The following PRMT3 variants were observed in gnomAD, a reference collection of about 807,000 sequenced individuals.
PRMT3 encodes protein arginine N-methyltransferase 3.
Under a neutral mutation model 71.9 loss-of-function variants are expected in PRMT3, and 62 were observed. The ratio of observed to expected loss-of-function variants is 0.86; its 90% confidence interval spans 0.70 to 1.07. PRMT3 has a LOEUF of 1.07. Among genes scored for constraint, PRMT3 ranks in the 50% least tolerant of loss-of-function variants. PRMT3 has a pLI of 0.00. For missense variants in PRMT3, 663 were observed against 643.0 expected (o/e 1.03, Z -0.34); for synonymous variants, 213 against 220.4 (o/e 0.97, Z 0.30).
intron 10 of PRMT3, among the ~76,000 whole-genome samples, chr11:20,443,954 A>G (rs962520146): frequency 1.3e-5 from 2 of 152,210 alleles, no homozygotes; most frequent in African/African-American, 2.4e-5. Context: ...GAGAAGTGGA[A>G]GAAAGTAGTC....
intron 5 of PRMT3, among the ~76,000 whole-genome samples, chr11:20,394,469 G>T (rs531340761): frequency 1.3e-5 from 2 of 151,884 alleles, no homozygotes; most frequent in South Asian, 4.2e-4. Context: ...TTTTATTCAG[G>T]TATAATTGAT....
chr11:20,465,559 A>G (rs961575459), intron 13 of PRMT3, among the ~76,000 whole-genome samples: 1 of 151,922 alleles, frequency 6.6e-6, no homozygotes, highest in Admixed American at 6.6e-5. Flanking sequence ...GTTTCAGTTC[A>G]TTTTGATTCA....
intron 9 of PRMT3, among the ~76,000 whole-genome samples, chr11:20,423,873 T>TAAAAA (rs58636447): frequency 1.1e-4 from 3 of 27,098 alleles, no homozygotes; most frequent in African/African-American, 3.4e-4. Flanking sequence ...GATTCTCTCT[T>TAAAAA]AAAAAAAAAA....
intron 9 of PRMT3, among the ~76,000 whole-genome samples, chr11:20,416,215 C>T (rs1849301286): frequency 6.6e-6 from 1 of 152,110 alleles, no homozygotes; most frequent in African/African-American, 2.4e-5. Flanking sequence ...ACTGATTTCC[C>T]CACTTAATTC....
At chr11:20,426,015 A>G (rs924912963) in intron 9 of PRMT3, among the ~76,000 whole-genome samples, 2 of 152,242 alleles carry the variant, frequency 1.3e-5, no homozygotes, top group African/African-American at 4.8e-5. Context: ...AGCAGCTTAC[A>G]TTCACCTTTG....
At position 20,392,124 on chromosome 11, in the gene PRMT3, GT is replaced by G; in HGVS notation, c.248-84del. On this transcript the variant is annotated intron_variant, in intron 3 of 15. Transcript: ENST00000331079. ...ATTTAGAGGTCAGAATTATTTTATTGTTTAATCAGAGAAGGCTTTATAGAAT... is the reference window on the plus strand; with the variant it reads ...ATTTAGAGGTCAGAATTATTTTATTGTTAATCAGAGAAGGCTTTATAGAAT... 2.3e-6 allele frequency: 3 copies of G among 1,300,702 alleles called. No individual in the cohort carries two copies. The South Asian group carries it at 4.1e-5, about 18-fold the overall frequency. The allele number at this position is 1,300,702 out of a possible 1,614,324, so 80.6% of individuals were successfully genotyped here.
intron 15 of PRMT3, among the ~76,000 whole-genome samples, chr11:20,507,455 G>T (rs577935137): frequency 6.6e-6 from 1 of 151,774 alleles, no homozygotes; most frequent in Non-Finnish European, 1.5e-5. Flanking sequence ...ACTGTGGTAT[G>T]TAGTTAGTTC....
chr11:20,438,206 CTG>C (rs143684601), intron 10 of PRMT3, among the ~76,000 whole-genome samples: 4,700 of 152,192 alleles, frequency 0.031, 242 homozygotes, highest in African/African-American at 0.11. Context: ...TCAGTTGTAA[CTG>C]TGGTTTTACT....
chr11:20,396,813 A>C (rs1419774566), intron 6 of PRMT3, among the ~76,000 whole-genome samples: 1 of 152,202 alleles, frequency 6.6e-6, no homozygotes, highest in Non-Finnish European at 1.5e-5. Context: ...ATAAATTCTG[A>C]TTCAGAAGAT....
At chr11:20,400,282 A>G (rs1165115309) in intron 7 of PRMT3, among the ~76,000 whole-genome samples, 1 of 152,162 alleles carries the variant, frequency 6.6e-6, no homozygotes, top group African/African-American at 2.4e-5. Context: ...ATGTCTTTCC[A>G]TGACACTATT....
chr11:20,487,458 G>GTA (rs921933872), intron 13 of PRMT3, among the ~76,000 whole-genome samples: 3 of 152,156 alleles, frequency 2.0e-5, no homozygotes, highest in African/African-American at 7.2e-5. Flanking sequence ...ACTGCCTGAT[G>GTA]TATGATTCTT....
intron 12 of PRMT3, 55 bp downstream of exon 12, chr11:20,462,222 C>T (rs1291380433): frequency 1.5e-6 from 2 of 1,364,618 alleles, no homozygotes; most frequent in East Asian, 2.3e-5. Context: ...TTTCTTAGTT[C>T]AGCATTTGAA....
At chr11:20,493,811 T>A in intron 13 of PRMT3, 108 bp from the exon 14 acceptor site, 1 of 713,506 alleles carries the variant, frequency 1.4e-6, no homozygotes, top group Non-Finnish European at 2.3e-6. Context: ...AAGAGGTATT[T>A]AGTCTCTGAA....
chr11:20,451,965 A>G lies in PRMT3; in HGVS notation c.994-165A>G, dbSNP rs905113973. On this transcript the variant is annotated intron_variant, in intron 10 of 15. Transcript: ENST00000331079. Reference sequence around the variant, plus strand: ...CTTTATAAGCTGGCCTGATTTTCCAATAACTTACTGCAAAAAAAAGTTTCA... The same window carrying G: ...CTTTATAAGCTGGCCTGATTTTCCAGTAACTTACTGCAAAAAAAAGTTTCA... Among the ~76,000 whole-genome samples the G allele has an allele frequency of 3.7e-4, 57 of 152,314 alleles. No homozygotes were observed. The highest frequency in any genetic ancestry group is 1.3e-3 in the African/African-American group (56 of 41,574).
intron 13 of PRMT3, among the ~76,000 whole-genome samples, chr11:20,487,021 C>T (rs781155022): frequency 6.7e-6 from 1 of 149,866 alleles, no homozygotes; most frequent in Non-Finnish European, 1.5e-5. Context: ...TGCACCTCTA[C>T]ACTCCAACCT....
intron 9 of PRMT3, among the ~76,000 whole-genome samples, chr11:20,413,160 A>G (rs1456954749): frequency 2.0e-5 from 3 of 152,060 alleles, no homozygotes; most frequent in Non-Finnish European, 2.9e-5. Context: ...TGCCTTTTTT[A>G]TATTGTGAAA....
intron 11 of PRMT3, among the ~76,000 whole-genome samples, chr11:20,453,697 A>G (rs1195955551): frequency 6.6e-6 from 1 of 151,938 alleles, no homozygotes; most frequent in Non-Finnish European, 1.5e-5. Context: ...CCCTGCAGCA[A>G]TTGGCTGCAA....
chr11:20,475,029 TAAGG>T (rs1292937455), intron 13 of PRMT3, among the ~76,000 whole-genome samples: 1 of 152,062 alleles, frequency 6.6e-6, no homozygotes, highest in Non-Finnish European at 1.5e-5. Flanking sequence ...CATTCTTAAA[TAAGG>T]AAGGGGTAGG....
intron 9 of PRMT3, among the ~76,000 whole-genome samples, chr11:20,412,070 A>G (rs1358510550): frequency 1.3e-5 from 2 of 152,126 alleles, no homozygotes; most frequent in Non-Finnish European, 2.9e-5. Flanking sequence ...TTATTATCTC[A>G]CAGTTTTTAG....
Sources: gnomAD v4.1 joint callset for allele counts (sites outside exome capture counted in the v4.1 genomes callset) on GRCh38, gnomAD v4.1.1 for gene constraint, MANE v1.5 for transcripts, NCBI Gene and HGNC (gene_info 2026-07-23, HGNC 2026-07-21) for gene names.